The following ZBTB8A variants were observed in gnomAD, a reference collection of about 807,000 sequenced individuals.
ZBTB8A encodes zinc finger and BTB domain containing 8A, also known as zinc finger and BTB domain-containing protein 8A.
A neutral mutation model predicts 37.8 loss-of-function variants in ZBTB8A; 19 were observed. That is an observed-to-expected ratio of 0.50 (90% CI 0.35 to 0.74). ZBTB8A has a LOEUF of 0.74. ZBTB8A is among the 30% of genes least tolerant of loss of function. The pLI is 0.01. For synonymous variants in ZBTB8A, 181 were observed against 185.2 expected, an observed-to-expected ratio of 0.98 and a Z score of 0.19; for missense variants, 394 against 537.8, an observed-to-expected ratio of 0.73 and a Z score of 2.65.
At chr1:32,551,544 T>C (rs1644155923) in intron 1 of ZBTB8A, among the ~76,000 whole-genome samples, 1 of 151,748 alleles carries the variant, frequency 6.6e-6, no homozygotes, top group Admixed American at 6.6e-5. Context: ...AGAAATACCA[T>C]CTCTACTAAA....
At position 32,542,380 on chromosome 1, in the gene ZBTB8A, C is replaced by T. The variant is rs1570301513; in HGVS notation, c.-84+2808C>T. Among the ~76,000 whole-genome samples the T allele has an allele frequency of 5.3e-5, 8 of 151,630 alleles. No individual in the cohort carries two copies. The South Asian group carries it at 1.7e-3, about 32-fold the overall frequency. The stretch of plus-strand genomic sequence containing the variant: ...CACGAGGTCAGGAGTTCGAGACCAG[C>T]CTGGACAAGAAGGTGAAACCCCATC... On this transcript the variant is annotated intron_variant, in intron 1 of 4. Transcript: ENST00000373510.
rs533811281 is a variant in ZBTB8A, at chr1:32,569,979, T to C, written c.-2+16439T>C. The stretch of plus-strand genomic sequence containing the variant: ...TTGTCCACCCCAAGGTCCCAAAGAC[T>C]TTCTCCTTTGTTTTCTTCTGAAATT... On this transcript the variant is annotated intron_variant, in intron 2 of 4. Transcript: ENST00000373510. Among the ~76,000 whole-genome samples, 207 of 152,310 alleles carry C rather than the reference T, an allele frequency of 1.4e-3. 1 individual carries two copies. Among genetic ancestry groups the C allele is most frequent in the African/African-American group, 4.6e-3 (193 of 41,590 alleles).
intron 2 of ZBTB8A, among the ~76,000 whole-genome samples, chr1:32,566,073 G>A (rs1644276680): frequency 6.6e-6 from 1 of 151,990 alleles, no homozygotes; most frequent in South Asian, 2.1e-4. Flanking sequence ...GTGGTGGCGG[G>A]CACCTGTAGT....
At chr1:32,598,852 T>C (rs1382827503) in intron 4 of ZBTB8A, among the ~76,000 whole-genome samples, 1 of 152,096 alleles carries the variant, frequency 6.6e-6, no homozygotes, top group Non-Finnish European at 1.5e-5. Flanking sequence ...GGCTGATATA[T>C]AGAAGCAGCA....
chr1:32,543,524 T>C (rs1644075268), intron 1 of ZBTB8A, among the ~76,000 whole-genome samples: 1 of 152,182 alleles, frequency 6.6e-6, no homozygotes, highest in African/African-American at 2.4e-5. Context: ...AGAAACCCCA[T>C]GCCTGTTAAC....
chr1:32,586,138 A>G (rs962379449), intron 2 of ZBTB8A, among the ~76,000 whole-genome samples: 2 of 151,688 alleles, frequency 1.3e-5, no homozygotes, highest in Non-Finnish European at 2.9e-5. Flanking sequence ...ACCAACAGGG[A>G]GAAACCCCGT....
Position 32,593,254 on chromosome 1 carries a change from C to G in ZBTB8A, c.323C>G (p.Thr108Ser), listed in dbSNP as rs1373256321. The G allele has an allele frequency of 5.0e-6, 8 of 1,614,130 alleles. No homozygotes were observed. Among genetic ancestry groups the G allele is most frequent in the Non-Finnish European group, 6.8e-6 (8 of 1,180,036 alleles). The change falls in exon 3 of 5, where the codon ACT (threonine) becomes AGT (serine). Residue 108 changes from threonine to serine, a missense_variant. This residue lies in a region of ZBTB8A where 96 missense variants were observed against 165.6 expected (regional missense o/e 0.58). Transcript: ENST00000373510. ...TCGGCTGCTAGCTTCCTTCAGATGACTGATGTCATAAGTGTATGTAAGACT... is the reference window on the plus strand; with the variant it reads ...TCGGCTGCTAGCTTCCTTCAGATGAGTGATGTCATAAGTGTATGTAAGACT... Reference protein sequence around the residue: ...VMSAASFLQMTDVISVCKTFI... With the variant: ...VMSAASFLQMSDVISVCKTFI...
chr1:32,540,176 A>G (rs1644041380), intron 1 of ZBTB8A, among the ~76,000 whole-genome samples: 1 of 152,014 alleles, frequency 6.6e-6, no homozygotes, highest in Admixed American at 6.5e-5. Flanking sequence ...TTGCTTCTGG[A>G]CGGAACCTTA....
intron 2 of ZBTB8A, among the ~76,000 whole-genome samples, chr1:32,575,043 G>C (rs1259648594): frequency 6.6e-6 from 1 of 152,006 alleles, no homozygotes; most frequent in Admixed American, 6.6e-5. Flanking sequence ...TCAAAGTGCT[G>C]GGATTACAGG....
rs185232100 is a variant in ZBTB8A, at chr1:32,545,724, G to A, written c.-84+6152G>A. 1.2e-4 allele frequency among the ~76,000 whole-genome samples: 18 copies of A among 152,220 alleles called. No individual in the cohort carries two copies. In the East Asian group the frequency reaches 3.3e-3, roughly 28 times the overall value. ...CCTAGGAGGCCATGCTGTTTAATAC[G>A]CTGTTTTTGCCTTCCCATTTGGTGC... On this transcript the variant is annotated intron_variant, in intron 1 of 4. Coordinates refer to ENST00000373510, the MANE Select transcript of ZBTB8A (RefSeq NM_001040441.3).
At chr1:32,565,785 A>G (rs1644273898) in intron 2 of ZBTB8A, among the ~76,000 whole-genome samples, 1 of 152,148 alleles carries the variant, frequency 6.6e-6, no homozygotes, top group African/African-American at 2.4e-5. Flanking sequence ...CTGACTGAGC[A>G]TCTGTATGCT....
At chr1:32,551,075 T>G (rs536550627) in intron 1 of ZBTB8A, among the ~76,000 whole-genome samples, 13 of 152,228 alleles carry the variant, frequency 8.5e-5, no homozygotes, top group African/African-American at 2.9e-4. Context: ...TAAATGCCAT[T>G]CTCTGAATGC....
chr1:32,572,621 TC>T (rs1201431333), intron 2 of ZBTB8A, among the ~76,000 whole-genome samples: 10 of 152,222 alleles, frequency 6.6e-5, no homozygotes, highest in African/African-American at 2.4e-4. Context: ...GTCTCAAAAC[TC>T]CTGACCTCGG....
At chr1:32,547,352 C>CTT (rs769532413) in intron 1 of ZBTB8A, among the ~76,000 whole-genome samples, 2 of 131,814 alleles carry the variant, frequency 1.5e-5, no homozygotes, top group Non-Finnish European at 1.6e-5. Context: ...TCTTTTCTTT[C>CTT]TTTTTTTTTT....
In ZBTB8A at chr1:32,600,686, TCTTA is replaced by T; in HGVS notation, c.*271_*274del. 1 of 331,672 alleles carries T rather than the reference TCTTA, an allele frequency of 3.0e-6. No individual in the cohort carries two copies. Among genetic ancestry groups the T allele is most frequent in the East Asian group, 5.3e-5 (1 of 18,870 alleles). 20.5% of individuals were successfully genotyped at this position (331,672 alleles called of 1,614,324 possible). On this transcript the variant is annotated 3_prime_UTR_variant, in exon 5 of 5. Coordinates refer to ENST00000373510, the MANE Select transcript of ZBTB8A (RefSeq NM_001040441.3). ...TATCCTCTTACTTTCATTACAATCC[TCTTA>T]CTTTATTCCAGAGATACCTTTTTCT... is the stretch of plus-strand genomic sequence containing the variant.
chr1:32,539,591 C>A lies in ZBTB8A; in HGVS notation c.-84+19C>A, dbSNP rs1315121213. Reference sequence around the variant, plus strand: ...GCCCGCGGTAAGTGGCTGCACGCGGCGCCGGCGGAGGGCGGGCGGGCGTCG... The same window carrying A: ...GCCCGCGGTAAGTGGCTGCACGCGGAGCCGGCGGAGGGCGGGCGGGCGTCG... On this transcript the variant is annotated intron_variant, in intron 1 of 4. Transcript: ENST00000373510. 1 of 147,118 alleles carries A rather than the reference C, an allele frequency of 6.8e-6. No homozygotes were observed. 9.1% of individuals were successfully genotyped at this position (147,118 alleles called of 1,614,324 possible). A position where few individuals can be genotyped will look rare whatever the true frequency, so the allele number is the denominator to read the frequency against.
chr1:32,603,141 GT>G lies in ZBTB8A; in HGVS notation c.*2729del. 6.6e-6 allele frequency: 1 copy of G among 151,902 alleles called. No homozygotes were observed. Among genetic ancestry groups the G allele is most frequent in the African/African-American group, 2.4e-5 (1 of 41,472 alleles). The allele number at this position is 151,902 out of a possible 1,614,324, so 9.4% of individuals were successfully genotyped here. ...TGGCTGTTCCTAAATCAGGATTCTG[GT>G]TTTTTTGAGATGGACTCTCGCTCTG... On this transcript the variant is annotated 3_prime_UTR_variant, in exon 5 of 5. Transcript: ENST00000373510.
At position 32,600,435 on chromosome 1, in the gene ZBTB8A, A is replaced by G. The variant is rs762488175; in HGVS notation, c.*16A>G. 2 of 1,579,558 alleles carry G rather than the reference A, an allele frequency of 1.3e-6. 1 individual carries two copies. Among genetic ancestry groups the G allele is most frequent in the South Asian group, 2.3e-5 (2 of 88,774 alleles). On this transcript the variant is annotated 3_prime_UTR_variant, in exon 5 of 5. Transcript: ENST00000373510. ...CATTAGGTAGCTGTAATGTGAACCAACAGAGCTGGCATGTCTGCAATTTAC... is the reference window on the plus strand; with the variant it reads ...CATTAGGTAGCTGTAATGTGAACCAGCAGAGCTGGCATGTCTGCAATTTAC...
chr1:32,566,118 C>A (rs1191554073), intron 2 of ZBTB8A, among the ~76,000 whole-genome samples: 3 of 150,672 alleles, frequency 2.0e-5, no homozygotes, highest in Non-Finnish European at 4.4e-5. Flanking sequence ...AGGAGAATGG[C>A]GTGAACCCAG....
Sources: gnomAD v4.1 joint callset for allele counts (sites outside exome capture counted in the v4.1 genomes callset) on GRCh38, gnomAD v4.1.1 for gene constraint, gnomAD v4.1.1 regional missense constraint, MANE v1.5 for transcripts, NCBI Gene and HGNC (gene_info 2026-07-23, HGNC 2026-07-21) for gene names.